PIK3C2G: variants seen among roughly 807,000 people sequenced by gnomAD.
PIK3C2G encodes the protein phosphatidylinositol-4-phosphate 3-kinase catalytic subunit type 2 gamma.
PIK3C2G carries 168 observed loss-of-function variants against 181.1 expected under a neutral mutation model. The ratio of observed to expected loss-of-function variants is 0.93; its 90% CI spans 0.82 to 1.05. The LOEUF (loss-of-function observed/expected upper bound fraction) is 1.05, where lower values mean the gene tolerates loss of function less well. Ranked by LOEUF, PIK3C2G falls within the 50% of genes least tolerant of loss-of-function variation. The probability of loss-of-function intolerance (pLI) is 0.00; values close to 1 mark genes in which losing one functional copy is unlikely to be tolerated. For missense variants in PIK3C2G, 1,869 were observed against 1,732.8 expected (o/e 1.08, Z -1.40); for synonymous variants, 573 against 592.2 (o/e 0.97, Z 0.47).
At chr12:18,667,077 A>T in the PIK3C2G span, among the ~76,000 whole-genome samples, 1 of 152,156 alleles carries the variant, frequency 6.6e-6, no homozygotes, top group East Asian at 1.9e-4. Context: ...AGTGGGGGGA[A>T]GTTGCCAGAA....
At chr12:18,682,506 G>T in the PIK3C2G span, among the ~76,000 whole-genome samples, 1 of 152,010 alleles carries the variant, frequency 6.6e-6, no homozygotes, top group Non-Finnish European at 1.5e-5. Flanking sequence ...CTGTTGGTAA[G>T]AAGTCCAGCA....
At chr12:18,281,523 T>TG (rs149175766) in intron 1 of PIK3C2G, among the ~76,000 whole-genome samples, 2,423 of 150,946 alleles carry the variant, frequency 0.016, 136 homozygotes, top group Admixed American at 0.11. Context: ...TCGAGTTTTT[T>TG]GGGGGAAAAA....
chr12:18,603,958 C>T (rs905356591), intron 30 of PIK3C2G, among the ~76,000 whole-genome samples: 1 of 151,924 alleles, frequency 6.6e-6, no homozygotes, highest in African/African-American at 2.4e-5. Context: ...AACAAAAATG[C>T]AAGTTAAAAA....
the PIK3C2G span, among the ~76,000 whole-genome samples, chr12:18,702,204 TATC>T: frequency 6.6e-6 from 1 of 152,130 alleles, no homozygotes; most frequent in African/African-American, 2.4e-5. Context: ...TTAAAATGTC[TATC>T]ATAAGTGTCT....
chr12:18,489,415 G>T (rs1940356186), intron 19 of PIK3C2G, among the ~76,000 whole-genome samples: 1 of 151,990 alleles, frequency 6.6e-6, no homozygotes, highest in Non-Finnish European at 1.5e-5. Flanking sequence ...AAATCAACAA[G>T]AATTTTCAAC....
intron 1 of PIK3C2G, among the ~76,000 whole-genome samples, chr12:18,278,234 C>T (rs1949067557): frequency 6.6e-6 from 1 of 152,164 alleles, no homozygotes; most frequent in Non-Finnish European, 1.5e-5. Flanking sequence ...TTCATCAGGG[C>T]TGTATTCCTT....
At chr12:18,343,156 A>G (rs1231343735) in intron 9 of PIK3C2G, among the ~76,000 whole-genome samples, 171 bp from the exon 10 acceptor site, 4 of 152,126 alleles carry the variant, frequency 2.6e-5, no homozygotes, top group Admixed American at 6.6e-5. Flanking sequence ...ATTTCATCAT[A>G]CAATTTAAAT....
At chr12:18,606,350 C>T (rs1948020561) in intron 30 of PIK3C2G, among the ~76,000 whole-genome samples, 1 of 152,052 alleles carries the variant, frequency 6.6e-6, no homozygotes. Flanking sequence ...GTTCGTTGTG[C>T]CTCAAAACGT....
intron 31 of PIK3C2G, among the ~76,000 whole-genome samples, chr12:18,628,708 T>C (rs1296952298): frequency 1.3e-5 from 2 of 152,210 alleles, no homozygotes; most frequent in Non-Finnish European, 2.9e-5. Flanking sequence ...TCTAAGAAGA[T>C]CCTAAGGTCT....
chr12:18,284,557 G>A (rs886747783), intron 2 of PIK3C2G, among the ~76,000 whole-genome samples: 2 of 152,126 alleles, frequency 1.3e-5, no homozygotes, highest in Non-Finnish European at 2.9e-5. Context: ...TAATCCAGAT[G>A]TTGGAATTAA....
At chr12:18,379,127 G>C (rs1416164621) in intron 13 of PIK3C2G, among the ~76,000 whole-genome samples, 1 of 151,988 alleles carries the variant, frequency 6.6e-6, no homozygotes, top group East Asian at 1.9e-4. Flanking sequence ...ATGTCCATCA[G>C]TGATAGACTG....
chr12:18,403,152 G>A lies in PIK3C2G; in HGVS notation c.2315+3305G>A, dbSNP rs768929986. Among the ~76,000 whole-genome samples the A allele has an allele frequency of 5.3e-5, 8 of 151,970 alleles. No individual in the cohort carries two copies. In the East Asian group the frequency reaches 9.6e-4, roughly 18 times the overall value. The stretch of plus-strand genomic sequence containing the variant: ...GTAAATAGGAGCACTTAGCGATCTC[G>A]GTCATGCTCAGATGTTTCTACTTCA... On this transcript the variant is annotated intron_variant, in intron 16 of 32. Transcript: ENST00000538779.
chr12:18,719,775 ATGT>A, the PIK3C2G span: 7 of 493,972 alleles, frequency 1.4e-5, no homozygotes, highest in Non-Finnish European at 2.3e-5. Flanking sequence ...TACTATATTT[ATGT>A]TGTTTGGAAA....
intron 15 of PIK3C2G, among the ~76,000 whole-genome samples, chr12:18,396,946 A>G (rs997032957): frequency 3.3e-5 from 5 of 151,830 alleles, no homozygotes; most frequent in African/African-American, 7.2e-5. Context: ...GTGGAATGCA[A>G]AAGAGCCTAG....
chr12:18,667,408 A>C, the PIK3C2G span, among the ~76,000 whole-genome samples: 1 of 152,176 alleles, frequency 6.6e-6, no homozygotes, highest in African/African-American at 2.4e-5. Flanking sequence ...ACCTGTATCT[A>C]TCTGCTCTCA....
At chr12:18,391,087 C>G (rs1189759002) in intron 14 of PIK3C2G, 35 bp from the exon 15 acceptor site, 1 of 1,556,988 alleles carries the variant, frequency 6.4e-7, no homozygotes, top group South Asian at 1.2e-5. Context: ...TTTGAGACAC[C>G]TTCAACACAT....
intron 11 of PIK3C2G, among the ~76,000 whole-genome samples, chr12:18,353,109 G>C (rs372555851): frequency 7.9e-5 from 12 of 152,154 alleles, no homozygotes; most frequent in African/African-American, 2.9e-4. Flanking sequence ...TCACTTCCCT[G>C]CTCTGAAGAG....
At chr12:18,670,306 A>C in the PIK3C2G span, among the ~76,000 whole-genome samples, 1 of 152,144 alleles carries the variant, frequency 6.6e-6, no homozygotes, top group African/African-American at 2.4e-5. Context: ...ACACACACAC[A>C]CACACAACAT....
At chr12:18,329,960 A>G (rs1359279803) in intron 8 of PIK3C2G, among the ~76,000 whole-genome samples, 1 of 152,054 alleles carries the variant, frequency 6.6e-6, no homozygotes, top group Non-Finnish European at 1.5e-5. Context: ...TTTTTTAAAA[A>G]TGTACTATTC....
Sources: gnomAD v4.1 joint callset for allele counts (sites outside exome capture counted in the v4.1 genomes callset) on GRCh38, gnomAD v4.1.1 for gene constraint, MANE v1.5 for transcripts, NCBI Gene and HGNC (gene_info 2026-07-23, HGNC 2026-07-21) for gene names.